DPP10: variants seen among roughly 807,000 people sequenced by gnomAD.
The protein encoded by DPP10 is dipeptidyl peptidase like 10.
Under a neutral mutation model 120.9 loss-of-function variants are expected in DPP10, and 33 were observed. That is an observed-to-expected ratio of 0.27 (90% CI 0.21 to 0.37). The LOEUF is 0.37. DPP10 is among the 10% of genes least tolerant of loss of function. The probability of loss-of-function intolerance (pLI) is 1.00; values close to 1 mark genes in which losing one functional copy is unlikely to be tolerated. For missense variants in DPP10, 816 were observed against 942.8 expected, an observed-to-expected ratio of 0.87 and a Z score of 1.76; for synonymous variants, 337 against 326.1, an observed-to-expected ratio of 1.03 and a Z score of -0.36.
chr2:115,841,203 A>G (rs1559229489), intron 25 of DPP10, among the ~76,000 whole-genome samples: 1 of 151,140 alleles, frequency 6.6e-6, no homozygotes, highest in African/African-American at 2.4e-5. Flanking sequence ...TAAATATGAG[A>G]GTTTATTATT....
chr2:115,153,044 A>T (rs908293618), intron 1 of DPP10, among the ~76,000 whole-genome samples: 3 of 152,138 alleles, frequency 2.0e-5, no homozygotes, highest in African/African-American at 7.2e-5. Flanking sequence ...CAGTTTATAG[A>T]AGAGGAACCC....
chr2:114,955,634 C>T (rs1698141987), intron 1 of DPP10, among the ~76,000 whole-genome samples: 1 of 152,196 alleles, frequency 6.6e-6, no homozygotes, highest in East Asian at 1.9e-4. Context: ...TAAATAAGGA[C>T]TCTATGAGAA....
intron 3 of DPP10, among the ~76,000 whole-genome samples, chr2:115,403,448 G>A (rs1368666356): frequency 7.4e-6 from 1 of 134,292 alleles, no homozygotes; most frequent in East Asian, 2.5e-4. Flanking sequence ...TGCCCAGGCT[G>A]GAATTCAGTG....
At chr2:115,021,942 T>A (rs1250806746) in intron 1 of DPP10, among the ~76,000 whole-genome samples, 1 of 151,950 alleles carries the variant, frequency 6.6e-6, no homozygotes, top group Non-Finnish European at 1.5e-5. Flanking sequence ...CAGAAAAGCG[T>A]TTGACAAAAT....
chr2:115,364,042 T>C (rs974100090), intron 3 of DPP10, among the ~76,000 whole-genome samples: 12 of 150,448 alleles, frequency 8.0e-5, no homozygotes, highest in African/African-American at 2.9e-4. Flanking sequence ...AAGGTGGAGG[T>C]AGATGCTTCA....
At chr2:114,881,466 T>TCTATCTATCTAC (rs1437258854) in intron 1 of DPP10, among the ~76,000 whole-genome samples, 2 of 104,414 alleles carry the variant, frequency 1.9e-5, no homozygotes, top group Non-Finnish European at 3.7e-5. Context: ...TGTCTATCTA[T>TCTATCTATCTAC]CTATCTATCT....
At chr2:115,619,355 G>A (rs1000972859) in intron 5 of DPP10, among the ~76,000 whole-genome samples, 4 of 151,938 alleles carry the variant, frequency 2.6e-5, no homozygotes, top group African/African-American at 7.2e-5. Context: ...GATTACAGAC[G>A]TGAGCCATCG....
chr2:114,799,326 C>A (rs142097183), intron 1 of DPP10, among the ~76,000 whole-genome samples: 22 of 152,266 alleles, frequency 1.4e-4, no homozygotes, highest in African/African-American at 5.3e-4. Context: ...TGCTGCTCTT[C>A]AAGTCCTAAG....
intron 3 of DPP10, among the ~76,000 whole-genome samples, chr2:115,345,797 C>G (rs1289976172): frequency 6.6e-6 from 1 of 152,100 alleles, no homozygotes; most frequent in Non-Finnish European, 1.5e-5. Context: ...GACACAGATT[C>G]TACTCTTATA....
At chr2:114,807,584 C>G (rs1168671183) in intron 1 of DPP10, among the ~76,000 whole-genome samples, 1 of 152,024 alleles carries the variant, frequency 6.6e-6, no homozygotes, top group Admixed American at 6.6e-5. Context: ...TTTCTAACTT[C>G]TTTTAGAATT....
chr2:115,200,587 C>G (rs1202058145), intron 1 of DPP10, among the ~76,000 whole-genome samples: 1 of 152,182 alleles, frequency 6.6e-6, no homozygotes, highest in Non-Finnish European at 1.5e-5. Flanking sequence ...TAAGCAGGCA[C>G]AGCACTTGAG....
chr2:114,589,944 T>C (rs1691318706), intron 1 of DPP10, among the ~76,000 whole-genome samples: 2 of 152,072 alleles, frequency 1.3e-5, no homozygotes, highest in African/African-American at 4.8e-5. Flanking sequence ...GGGGATAAAA[T>C]AGATGCTGGA....
intron 5 of DPP10, among the ~76,000 whole-genome samples, chr2:115,654,062 G>T (rs1407302168): frequency 1.3e-5 from 2 of 151,530 alleles, no homozygotes; most frequent in African/African-American, 2.4e-5. Flanking sequence ...TTTTTATATT[G>T]TATCTAATTA....
intron 1 of DPP10, among the ~76,000 whole-genome samples, chr2:114,889,152 A>G (rs1056879392): frequency 5.9e-5 from 9 of 152,112 alleles, no homozygotes; most frequent in African/African-American, 1.9e-4. Context: ...CCTGACAACA[A>G]CCTGCTCTAG....
chr2:115,543,299 A>G (rs1285957315), intron 5 of DPP10, among the ~76,000 whole-genome samples: 1 of 152,036 alleles, frequency 6.6e-6, no homozygotes, highest in Non-Finnish European at 1.5e-5. Context: ...ACTCTATCAA[A>G]GAATAAAAAG....
chr2:115,838,431 A>G (rs1002123026), intron 24 of DPP10, among the ~76,000 whole-genome samples: 5 of 152,206 alleles, frequency 3.3e-5, no homozygotes, highest in African/African-American at 1.2e-4. Flanking sequence ...ACAGATTGGG[A>G]AAATAAATAT....
chr2:114,691,607 T>A (rs185076560), intron 1 of DPP10, among the ~76,000 whole-genome samples: 24 of 152,060 alleles, frequency 1.6e-4, no homozygotes, highest in Non-Finnish European at 3.2e-4. Context: ...AGTCATTCAA[T>A]TTTTTGAGAA....
Position 114,515,107 on chromosome 2 carries a change from G to C in DPP10, c.60+72269G>C, listed in dbSNP as rs113085127. Among the ~76,000 whole-genome samples, 552 of 152,270 alleles carry C rather than the reference G, an allele frequency of 3.6e-3. 3 individuals carry two copies. The highest frequency in any genetic ancestry group is 6.7e-3 in the Non-Finnish European group (454 of 68,002). On this transcript the variant is annotated intron_variant, in intron 1 of 25. Transcript: ENST00000410059. ...TTAAAGAGAAAGAGGAAAGAGAAAAGAAACATGCCTGGAGTGAGCATTTAT... is the reference window on the plus strand; with the variant it reads ...TTAAAGAGAAAGAGGAAAGAGAAAACAAACATGCCTGGAGTGAGCATTTAT...
At chr2:115,687,484 T>TA (rs1440231228) in intron 5 of DPP10, among the ~76,000 whole-genome samples, 65 of 147,246 alleles carry the variant, frequency 4.4e-4, no homozygotes, top group African/African-American at 1.5e-3. Context: ...GATGGATGGA[T>TA]GGATAGATAG....
Sources: gnomAD v4.1 joint callset for allele counts (sites outside exome capture counted in the v4.1 genomes callset) on GRCh38, gnomAD v4.1.1 for gene constraint, MANE v1.5 for transcripts, NCBI Gene and HGNC (gene_info 2026-07-23, HGNC 2026-07-21) for gene names.